The following CAST variants were observed in gnomAD, a reference collection of about 807,000 sequenced individuals.
CAST encodes the protein MIR583 host.
A neutral mutation model predicts 119.6 loss-of-function variants in CAST; 76 were observed. That is an observed-to-expected ratio of 0.64 (90% CI 0.53 to 0.77). The LOEUF is 0.77. Among genes scored for constraint, CAST ranks in the 30% least tolerant of loss-of-function variants. The pLI, the probability that CAST is intolerant of heterozygous loss-of-function variation, is 0.00. For synonymous variants in CAST, 319 were observed against 331.6 expected, an observed-to-expected ratio of 0.96 and a Z score of 0.41; for missense variants, 953 against 946.5, an observed-to-expected ratio of 1.01 and a Z score of -0.09.
chr5:96,104,370 C>G, the CAST span, among the ~76,000 whole-genome samples: 7 of 152,268 alleles, frequency 4.6e-5, no homozygotes, highest in African/African-American at 1.7e-4. Flanking sequence ...GGTTTTAGGT[C>G]TAACGTTTAA....
the CAST span, among the ~76,000 whole-genome samples, chr5:96,478,357 A>T: frequency 6.6e-6 from 1 of 152,266 alleles, no homozygotes; most frequent in South Asian, 2.1e-4. Context: ...TGTCTGAAAT[A>T]GTCCACCGAC....
At position 96,568,564 on chromosome 5, in the gene CAST, CAAAAAAAAAAAA is replaced by C. The variant is rs70981830; in HGVS notation, c.60+38697_60+38708del. On this transcript the variant is annotated intron_variant, in intron 1 of 11. Coordinates refer to the CAST transcript ENST00000505143. ...TGGGCGACAGAGCGAGACTCCATCTCAAAAAAAAAAAAAAAAAAAAAAAAGAAGATAAGGGCA... is the reference window on the plus strand; with the variant it reads ...TGGGCGACAGAGCGAGACTCCATCTCAAAAAAAAAAAAGAAGATAAGGGCA... Among the ~76,000 whole-genome samples, 17 of 70,920 alleles carry C rather than the reference CAAAAAAAAAAAA, an allele frequency of 2.4e-4. No homozygotes were observed. In the South Asian group the frequency reaches 9.9e-3, roughly 41 times the overall value. 46.5% of individuals were successfully genotyped at this position (70,920 alleles called of 152,430 possible). A position where few individuals can be genotyped will look rare whatever the true frequency, so the allele number is the denominator to read the frequency against.
At chr5:96,219,601 G>T in the CAST span, among the ~76,000 whole-genome samples, 1 of 152,146 alleles carries the variant, frequency 6.6e-6, no homozygotes, top group Admixed American at 6.5e-5. Context: ...AGCCTAGGAG[G>T]TCAAGGCTTC....
chr5:96,640,034 G>A (rs1366628769), intron 1 of CAST, among the ~76,000 whole-genome samples: 1 of 152,124 alleles, frequency 6.6e-6, no homozygotes, highest in African/African-American at 2.4e-5. Flanking sequence ...CTTATAAATA[G>A]GCAAAGATTA....
the CAST span, among the ~76,000 whole-genome samples, chr5:96,379,806 C>A: frequency 6.6e-6 from 1 of 152,102 alleles, no homozygotes; most frequent in African/African-American, 2.4e-5. Flanking sequence ...GCCCTTTTGG[C>A]CATTTTGTTA....
At chr5:96,486,021 G>A in the CAST span, among the ~76,000 whole-genome samples, 1 of 152,076 alleles carries the variant, frequency 6.6e-6, no homozygotes, top group Non-Finnish European at 1.5e-5. Flanking sequence ...AGTGCCTCTG[G>A]ACTTCCAGAG....
the CAST span, among the ~76,000 whole-genome samples, chr5:96,360,286 C>G: frequency 6.6e-6 from 1 of 151,964 alleles, no homozygotes; most frequent in Non-Finnish European, 1.5e-5. Flanking sequence ...GAACATGCTC[C>G]TTTAGCTCAG....
the CAST span, among the ~76,000 whole-genome samples, chr5:96,513,829 C>A: frequency 1.3e-5 from 2 of 152,174 alleles, no homozygotes; most frequent in Non-Finnish European, 2.9e-5. Flanking sequence ...ATTCTCTCGC[C>A]GTCCTAGAGG....
the CAST span, among the ~76,000 whole-genome samples, chr5:96,026,318 A>G: frequency 0.01 from 1,533 of 152,304 alleles, 30 homozygotes; most frequent in African/African-American, 0.034. Flanking sequence ...GTGCTCTGAG[A>G]CAATGGACTA....
chr5:96,542,752 A>G (rs891706549), intron 1 of CAST, among the ~76,000 whole-genome samples: 3 of 152,202 alleles, frequency 2.0e-5, no homozygotes, highest in South Asian at 4.1e-4. Context: ...TTTTCATTCA[A>G]TTAACAGTGT....
the CAST span, among the ~76,000 whole-genome samples, chr5:96,069,395 G>GTCTA: frequency 6.6e-6 from 1 of 151,580 alleles, no homozygotes; most frequent in Non-Finnish European, 1.5e-5. Context: ...ATGTGTGTGT[G>GTCTA]TGTGTGTGTG....
At chr5:96,053,636 A>G in the CAST span, among the ~76,000 whole-genome samples, 4 of 152,238 alleles carry the variant, frequency 2.6e-5, no homozygotes, top group African/African-American at 4.8e-5. Context: ...CTTGTAGGAG[A>G]GTATTAGCAA....
At chr5:96,166,436 G>C in the CAST span, among the ~76,000 whole-genome samples, 12 of 152,042 alleles carry the variant, frequency 7.9e-5, no homozygotes, top group Non-Finnish European at 1.8e-4. Context: ...CAATGCATCT[G>C]CCCATCCCTG....
the CAST span, among the ~76,000 whole-genome samples, chr5:96,447,149 A>G: frequency 1.3e-5 from 2 of 152,234 alleles, no homozygotes; most frequent in African/African-American, 4.8e-5. Context: ...GCATGGTGGC[A>G]AAGGAGGAAT....
At chr5:96,412,750 A>ATTTTTTTTTTTTT in the CAST span, among the ~76,000 whole-genome samples, 32 of 63,396 alleles carry the variant, frequency 5.0e-4, 1 homozygote, top group African/African-American at 2.4e-3. Flanking sequence ...GGCAGCTGTG[A>ATTTTTTTTTTTTT]TGTTTTTTTT....
intron 19 of CAST, 61 bp from the exon 20 acceptor site, chr5:96,750,526 T>G: frequency 9.9e-7 from 1 of 1,005,128 alleles, no homozygotes; most frequent in Non-Finnish European, 1.6e-6. Context: ...GGTCTACCAT[T>G]ACTCAGTCTT....
the CAST span, among the ~76,000 whole-genome samples, chr5:96,386,075 G>A: frequency 6.6e-5 from 10 of 152,258 alleles, no homozygotes; most frequent in Admixed American, 1.3e-4. Context: ...TCGTTTTTAC[G>A]ATTCTTGTGA....
At chr5:96,487,176 T>A in the CAST span, among the ~76,000 whole-genome samples, 1 of 152,090 alleles carries the variant, frequency 6.6e-6, no homozygotes, top group Non-Finnish European at 1.5e-5. Flanking sequence ...ATATTACAGG[T>A]TGTGGTTGGA....
chr5:96,381,698 C>A, the CAST span, among the ~76,000 whole-genome samples: 1 of 152,208 alleles, frequency 6.6e-6, no homozygotes, highest in Non-Finnish European at 1.5e-5. Flanking sequence ...AGCTCTTGGT[C>A]TCCTAGGGGA....
Sources: gnomAD v4.1 joint callset for allele counts (sites outside exome capture counted in the v4.1 genomes callset) on GRCh38, gnomAD v4.1.1 for gene constraint, MANE v1.5 for transcripts, NCBI Gene and HGNC (gene_info 2026-07-23, HGNC 2026-07-21) for gene names.